ADCY9: variants seen among roughly 807,000 people sequenced by gnomAD.
ADCY9 encodes the protein adenylate cyclase type 9.
Under a neutral mutation model 101.5 loss-of-function variants are expected in ADCY9, and 50 were observed. The observed-to-expected ratio is 0.49, with a 90% CI of 0.39 to 0.62. The LOEUF (loss-of-function observed/expected upper bound fraction) is 0.62. Ranked by LOEUF, ADCY9 falls within the 20% of genes least tolerant of loss-of-function variation. The pLI is 0.00. For synonymous variants in ADCY9, 905 were observed against 769.3 expected, an observed-to-expected ratio of 1.18 and a Z score of -2.92; for missense variants, 1,662 against 1,800.4, an observed-to-expected ratio of 0.92 and a Z score of 1.39.
At chr16:4,036,231 C>T (rs532547094) in intron 2 of ADCY9, among the ~76,000 whole-genome samples, 9 of 152,044 alleles carry the variant, frequency 5.9e-5, no homozygotes, top group African/African-American at 2.2e-4. Context: ...GTGGTCAACC[C>T]TGGTCCTTCA....
intron 2 of ADCY9, among the ~76,000 whole-genome samples, chr16:4,064,354 T>C (rs1435759255): frequency 6.6e-6 from 1 of 152,332 alleles, no homozygotes; most frequent in African/African-American, 2.4e-5. Flanking sequence ...GCAAGCTTTT[T>C]GTAGAAATTA....
At chr16:4,098,054 G>C (rs906413812) in intron 2 of ADCY9, among the ~76,000 whole-genome samples, 1 of 151,770 alleles carries the variant, frequency 6.6e-6, no homozygotes, top group Non-Finnish European at 1.5e-5. Flanking sequence ...AGAGTGGCTG[G>C]CCCATAGCTC....
chr16:4,070,678 G>C (rs2056828552), intron 2 of ADCY9, among the ~76,000 whole-genome samples: 2 of 152,034 alleles, frequency 1.3e-5, no homozygotes, highest in African/African-American at 4.8e-5. Context: ...AAGTGCAGTG[G>C]CTCACACCTG....
intron 2 of ADCY9, among the ~76,000 whole-genome samples, chr16:4,063,418 C>CT (rs1260993713): frequency 6.6e-6 from 1 of 151,952 alleles, no homozygotes; most frequent in Non-Finnish European, 1.5e-5. Flanking sequence ...AGTTAATAAA[C>CT]TGAGCATCAG....
Position 4,014,668 on chromosome 16 carries a change from G to A in ADCY9, c.1694-7110C>T, listed in dbSNP as rs188679661. Reference sequence around the variant, plus strand: ...TTGCCATGCTGGACAGGCTGGTCTCGAACTCCTGACCTCAAATGATCCGCC... The same window carrying A: ...TTGCCATGCTGGACAGGCTGGTCTCAAACTCCTGACCTCAAATGATCCGCC... On this transcript the variant is annotated intron_variant, in intron 2 of 10. Transcript: ENST00000294016. Among the ~76,000 whole-genome samples the A allele has an allele frequency of 2.2e-3, 335 of 152,016 alleles. 5 individuals carry two copies. The highest frequency in any genetic ancestry group is 6.0e-3 in the South Asian group (29 of 4,812).
intron 2 of ADCY9, among the ~76,000 whole-genome samples, chr16:4,018,949 A>ATTT: frequency 9.3e-5 from 1 of 10,778 alleles, no homozygotes; most frequent in South Asian, 4.8e-3. Context: ...GAAGAATCGC[A>ATTT]GTTGTGTGTG....
chr16:4,100,360 C>A (rs567433898), intron 2 of ADCY9, among the ~76,000 whole-genome samples: 94 of 152,082 alleles, frequency 6.2e-4, no homozygotes, highest in Non-Finnish European at 1.0e-3. Flanking sequence ...GATGGGGTCT[C>A]ACTCTGTTGC....
chr16:4,099,954 C>T (rs1396917335), intron 2 of ADCY9, among the ~76,000 whole-genome samples: 3 of 152,130 alleles, frequency 2.0e-5, no homozygotes, highest in African/African-American at 7.2e-5. Flanking sequence ...GGCTGAGGTA[C>T]GAGGAGCACT....
intron 2 of ADCY9, among the ~76,000 whole-genome samples, chr16:4,093,035 C>T (rs1216000913): frequency 2.1e-5 from 3 of 140,922 alleles, no homozygotes; most frequent in African/African-American, 7.5e-5. Flanking sequence ...TAGTAAAAGC[C>T]AAATAACAAG....
chr16:4,078,066 A>G (rs2056879125), intron 2 of ADCY9, among the ~76,000 whole-genome samples: 1 of 152,116 alleles, frequency 6.6e-6, no homozygotes, highest in Admixed American at 6.6e-5. Context: ...GAAAAATAAC[A>G]TGTTCAGCTT....
chr16:4,106,835 G>C (rs1423400962), intron 2 of ADCY9, among the ~76,000 whole-genome samples: 1 of 152,142 alleles, frequency 6.6e-6, no homozygotes, highest in Non-Finnish European at 1.5e-5. Flanking sequence ...TGACCAATAT[G>C]CAGAAACATA....
At chr16:4,047,383 T>C (rs532223945) in intron 2 of ADCY9, among the ~76,000 whole-genome samples, 1 of 152,080 alleles carries the variant, frequency 6.6e-6, no homozygotes, top group Non-Finnish European at 1.5e-5. Flanking sequence ...TTCTAAAATA[T>C]TAGAATTTAT....
rs1382458827 is a variant in ADCY9, at chr16:4,097,553, A to ATATATATTTTTT, written c.1693+16196_1693+16197insAAAAAATATATA. On this transcript the variant is annotated intron_variant, in intron 2 of 10. Coordinates refer to ENST00000294016, the MANE Select transcript of ADCY9 (RefSeq NM_001116.4). ...CATATATATATATATATATATATAT[A>ATATATATTTTTT]TTTTTTTTTTTTTTTTTTAAGACAG... is the stretch of plus-strand genomic sequence containing the variant. 1.7e-3 allele frequency among the ~76,000 whole-genome samples: 91 copies of ATATATATTTTTT among 53,396 alleles called. 1 individual carries two copies. Among genetic ancestry groups the ATATATATTTTTT allele is most frequent in the Non-Finnish European group, 2.3e-3 (77 of 32,814 alleles). 35.0% of individuals were successfully genotyped at this position (53,396 alleles called of 152,430 possible). A position where few individuals can be genotyped will look rare whatever the true frequency, so the allele number is the denominator to read the frequency against.
intron 2 of ADCY9, among the ~76,000 whole-genome samples, chr16:4,097,477 T>TAC (rs1420304318): frequency 2.4e-3 from 122 of 50,140 alleles, no homozygotes; most frequent in African/African-American, 5.4e-3. Context: ...TATATATATA[T>TAC]ATATATATAT....
intron 6 of ADCY9, among the ~76,000 whole-genome samples, chr16:3,986,117 T>G (rs1167779601): frequency 1.3e-5 from 2 of 152,360 alleles, no homozygotes; most frequent in East Asian, 3.9e-4. Flanking sequence ...AGCCGGGCTG[T>G]CTGGGCTCAA....
chr16:3,986,527 G>A (rs977780851), intron 6 of ADCY9, among the ~76,000 whole-genome samples: 8 of 152,008 alleles, frequency 5.3e-5, no homozygotes, highest in African/African-American at 1.9e-4. Flanking sequence ...GCATGGTCTC[G>A]GCTCACTGCA....
intron 2 of ADCY9, among the ~76,000 whole-genome samples, chr16:4,021,462 G>A (rs1358420621): frequency 1.3e-5 from 2 of 152,140 alleles, no homozygotes; most frequent in Non-Finnish European, 2.9e-5. Context: ...TACTGCCTCG[G>A]GAGGCCCCCT....
At position 3,966,270 on chromosome 16, in the gene ADCY9, G is replaced by A. The variant is rs765844506; in HGVS notation, c.3567C>T (p.Asp1189=). 9.3e-6 allele frequency: 15 copies of A among 1,614,218 alleles called. No individual in the cohort carries two copies. Among genetic ancestry groups the A allele is most frequent in the Non-Finnish European group, 1.3e-5 (15 of 1,180,040 alleles). Residue 1189 remains aspartate, a synonymous_variant, in exon 11 of 11, where the codon GAC becomes GAT. Transcript: ENST00000294016. ...TTKLLYDIWG[D]TVNIASRMDT... Reference sequence around the variant, plus strand: ...CCATCCTGCTGGCGATGTTGACGGTGTCTCCCCAGATGTCGTACAGCAGCT... The same window carrying A: ...CCATCCTGCTGGCGATGTTGACGGTATCTCCCCAGATGTCGTACAGCAGCT...
intron 2 of ADCY9, among the ~76,000 whole-genome samples, chr16:4,038,662 C>G (rs2056606602): frequency 6.6e-6 from 1 of 152,178 alleles, no homozygotes; most frequent in Non-Finnish European, 1.5e-5. Flanking sequence ...AAAAGAGGAA[C>G]AGAGTAGTTG....
Sources: gnomAD v4.1 joint callset for allele counts (sites outside exome capture counted in the v4.1 genomes callset) on GRCh38, gnomAD v4.1.1 for gene constraint, MANE v1.5 for transcripts, NCBI Gene and HGNC (gene_info 2026-07-23, HGNC 2026-07-21) for gene names.